ATAD2: variants seen among roughly 807,000 people sequenced by gnomAD.
ATAD2 encodes ATPase family AAA domain containing 2, also known as ATPase family AAA domain-containing protein 2.
Under a neutral mutation model 168.9 loss-of-function variants are expected in ATAD2, and 62 were observed. That is an observed-to-expected ratio of 0.37 (90% CI 0.30 to 0.45). The LOEUF (loss-of-function observed/expected upper bound fraction) is 0.45, where lower values mean the gene tolerates loss of function less well. Among genes scored for constraint, ATAD2 ranks in the 20% least tolerant of loss-of-function variants. The pLI is 1.00. For missense variants in ATAD2, 1,419 were observed against 1,667.8 expected, an observed-to-expected ratio of 0.85 and a Z score of 2.60; for synonymous variants, 613 against 571.6, an observed-to-expected ratio of 1.07 and a Z score of -1.03.
chr8:123,362,962 C>T (rs1050093111), intron 8 of ATAD2, among the ~76,000 whole-genome samples: 22 of 152,128 alleles, frequency 1.4e-4, no homozygotes, highest in South Asian at 6.2e-4. Context: ...CTGGTTGGTA[C>T]TATTAAATAA....
intron 1 of ATAD2, among the ~76,000 whole-genome samples, chr8:123,384,574 A>G (rs1054121891): frequency 2.0e-5 from 3 of 152,178 alleles, no homozygotes; most frequent in South Asian, 2.1e-4. Context: ...TGCCTCCCCA[A>G]CCCAGAGGCA....
chr8:123,390,395 T>A (rs1367491865), intron 1 of ATAD2, among the ~76,000 whole-genome samples: 3 of 152,156 alleles, frequency 2.0e-5, no homozygotes, highest in African/African-American at 7.2e-5. Context: ...GTCTCCCACA[T>A]AAAGCTGTAA....
intron 1 of ATAD2, among the ~76,000 whole-genome samples, chr8:123,389,507 G>A (rs1335579967): frequency 6.6e-6 from 1 of 151,526 alleles, no homozygotes; most frequent in Non-Finnish European, 1.5e-5. Context: ...GGGCGTGGTG[G>A]CGGGCGCCTG....
At chr8:123,335,789 T>C (rs1390986315) in intron 22 of ATAD2, among the ~76,000 whole-genome samples, 1 of 152,134 alleles carries the variant, frequency 6.6e-6, no homozygotes, top group Non-Finnish European at 1.5e-5. Context: ...CCAAATAACA[T>C]ACATTGTACC....
Position 123,323,035 on chromosome 8 carries a change from T to C in ATAD2, c.4034A>G (p.Gln1345Arg). 2 of 1,612,376 alleles carry C rather than the reference T, an allele frequency of 1.2e-6. No homozygotes were observed. The highest frequency in any genetic ancestry group is 1.7e-4 in the Middle Eastern group (1 of 6,020). Residue 1345 changes from glutamine (Q) to arginine (R), a missense_variant, in exon 27 of 28, where the codon CAA (glutamine) becomes CGA (arginine). By Grantham distance (43) the Gln-to-Arg change is conservative. This residue lies in a region of ATAD2 where 303 missense variants were observed against 304.3 expected (regional missense o/e 1.00). Transcript: ENST00000287394. Reference protein sequence around the residue: ...NLLKTVVKKSQNYNIFQLENL... With the variant: ...NLLKTVVKKSRNYNIFQLENL... ...TTCCAACTGAAATATGTTGTAGTTT[T>C]GACTTTTTTTAACAACAGTCTTCAA...
Position 123,369,832 on chromosome 8 carries a change from G to A in ATAD2, c.920C>T (p.Ala307Val). The change falls in exon 7 of 28, where the codon GCT (alanine) becomes GTT (valine). Residue 307 changes from alanine to valine, a missense_variant. Ala to Val is a moderately conservative substitution (Grantham distance 64). Around this residue, in one of 5 missense-constraint regions of ATAD2, gnomAD observed 419 missense variants for 423.5 expected, o/e 0.99. Coordinates refer to ENST00000287394, the MANE Select transcript of ATAD2 (RefSeq NM_014109.4). The stretch of plus-strand genomic sequence containing the variant: ...TGTATAGCACTTACTTTCCAATGGA[G>A]CCTGATAGTAAACAGTAGCTTTTCT... ...RQRKATVYYQAPLEKPRHQRK... is the reference protein window; with the variant it reads ...RQRKATVYYQVPLEKPRHQRK... 6.2e-7 allele frequency: 1 copy of A among 1,610,164 alleles called. No homozygotes were observed. The highest frequency in any genetic ancestry group is 1.1e-5 in the South Asian group (1 of 90,978).
chr8:123,338,651 A>G (rs766176346), intron 20 of ATAD2, among the ~76,000 whole-genome samples: 10 of 152,252 alleles, frequency 6.6e-5, no homozygotes, highest in Admixed American at 2.0e-4. Context: ...TTTTAAAAGT[A>G]TGATGGGTCA....
At position 123,321,282 on chromosome 8, in the gene ATAD2, G is replaced by T. The variant is rs1586850369; in HGVS notation, c.4132-107C>A. 16 of 948,416 alleles carry T rather than the reference G, an allele frequency of 1.7e-5. No individual in the cohort carries two copies. The East Asian group carries it at 3.9e-4, about 23-fold the overall frequency. 58.8% of individuals were successfully genotyped at this position (948,416 alleles called of 1,614,324 possible). A position where few individuals can be genotyped will look rare whatever the true frequency, so the allele number is the denominator to read the frequency against. Reference sequence around the variant, plus strand: ...CAACCTTAAGAATATTAATATTCAGGTATATATTTGATAGTGAAAATAAAC... The same window carrying T: ...CAACCTTAAGAATATTAATATTCAGTTATATATTTGATAGTGAAAATAAAC... On this transcript the variant is annotated intron_variant, in intron 27 of 27. Coordinates refer to ENST00000287394, the MANE Select transcript of ATAD2 (RefSeq NM_014109.4).
chr8:123,389,988 T>TC (rs58584820), intron 1 of ATAD2, among the ~76,000 whole-genome samples: 5 of 62,206 alleles, frequency 8.0e-5, no homozygotes, highest in Non-Finnish European at 1.7e-4. Context: ...ATATATATTT[T>TC]TTTTTTTTTA....
chr8:123,373,584 C>A lies in ATAD2; in HGVS notation c.321-898G>T, dbSNP rs138692928. 9.7e-3 allele frequency among the ~76,000 whole-genome samples: 1,473 copies of A among 151,840 alleles called. 12 individuals are homozygous for A. The highest frequency in any genetic ancestry group is 0.017 in the Non-Finnish European group (1,161 of 67,880). On this transcript the variant is annotated intron_variant, in intron 2 of 27. Coordinates refer to ENST00000287394, the MANE Select transcript of ATAD2 (RefSeq NM_014109.4). ...CGGGTGGATCATGAGGTCAGGAAAT[C>A]GAGACCATCCTGGCTAACAGGGTGA...
intron 24 of ATAD2, among the ~76,000 whole-genome samples, 154 bp from the exon 25 acceptor site, chr8:123,328,733 A>C (rs1482391242): frequency 2.0e-5 from 3 of 152,112 alleles, no homozygotes; most frequent in African/African-American, 4.8e-5. Context: ...GCATACTGTG[A>C]GAAGGTGGAG....
At position 123,320,881 on chromosome 8, in the gene ATAD2, G is replaced by C; in HGVS notation, c.*253C>G. ...TACCAAAATAACTTTATTAAGAGTT[G>C]GCCAAACTTCAACTATTATTACTAT... is the stretch of plus-strand genomic sequence containing the variant. On this transcript the variant is annotated 3_prime_UTR_variant, in exon 28 of 28. Transcript: ENST00000287394. 2.6e-6 allele frequency: 1 copy of C among 379,536 alleles called. No homozygotes were observed. Among genetic ancestry groups the C allele is most frequent in the South Asian group, 6.1e-5 (1 of 16,332 alleles). 23.5% of individuals were successfully genotyped at this position (379,536 alleles called of 1,614,324 possible).
rs143547077 is a variant in ATAD2 at position 123,377,519 on chromosome 8, A to G, written c.320+3010T>C. On this transcript the variant is annotated intron_variant, in intron 2 of 27. Transcript: ENST00000287394. ...TGTATGACTATGTAAACCAAACTAA[A>G]TAGAAGTTCATCTATAAGTTTTATA... Among the ~76,000 whole-genome samples the G allele has an allele frequency of 1.5e-4, 23 of 152,314 alleles. No individual in the cohort carries two copies. In the East Asian group the frequency reaches 4.4e-3, roughly 29 times the overall value.
At chr8:123,409,548 C>T (rs777689115) in intron 1 of ATAD2, among the ~76,000 whole-genome samples, 1 of 152,016 alleles carries the variant, frequency 6.6e-6, no homozygotes, top group South Asian at 2.1e-4. Flanking sequence ...GCTGGAGTGC[C>T]GTGGCTGAAT....
At chr8:123,407,689 CT>C (rs1240852114) in intron 1 of ATAD2, among the ~76,000 whole-genome samples, 1 of 151,476 alleles carries the variant, frequency 6.6e-6, no homozygotes, top group Non-Finnish European at 1.5e-5. Flanking sequence ...TCCATCTCTA[CT>C]AAAAATACAA....
rs192265686 is a variant in ATAD2, at chr8:123,344,867, C to T, written c.2718+17G>A. On this transcript the variant is annotated intron_variant, in intron 19 of 27. Coordinates refer to ENST00000287394, the MANE Select transcript of ATAD2 (RefSeq NM_014109.4). ...ACTCTTTTTGAAAGTATAATGATACCGCCCCACATAAATTACCTCTTCTGG... is the reference window on the plus strand; with the variant it reads ...ACTCTTTTTGAAAGTATAATGATACTGCCCCACATAAATTACCTCTTCTGG... 5.2e-5 allele frequency: 83 copies of T among 1,611,122 alleles called. 1 individual carries two copies. The highest frequency in any genetic ancestry group is 4.2e-4 in the East Asian group (19 of 44,814).
Position 123,359,621 on chromosome 8 carries a change from C to T in ATAD2, c.1222G>A (p.Gly408Arg). The T allele has an allele frequency of 6.2e-7, 1 of 1,613,376 alleles. No individual in the cohort carries two copies. Among genetic ancestry groups the T allele is most frequent in the Non-Finnish European group, 8.5e-7 (1 of 1,179,804 alleles). ...KGIYKDRMKI[G>R]ASLADVDPMQ... ...GGATCAACATCGGCAAGGCTTGCTC[C>T]AATTTTCATTCGATCTTTATAAATG... Residue 408 changes from glycine to arginine, a missense_variant, in exon 10 of 28, where the codon GGA (glycine) becomes AGA (arginine). This residue lies in a region of ATAD2 where 146 missense variants were observed against 188.3 expected (regional missense o/e 0.78). Transcript: ENST00000287394.
At chr8:123,325,496 C>G (rs1241113526) in intron 26 of ATAD2, among the ~76,000 whole-genome samples, 1 of 152,082 alleles carries the variant, frequency 6.6e-6, no homozygotes, top group Non-Finnish European at 1.5e-5. Flanking sequence ...CCGTGTTAGC[C>G]AGGATGGTCT....
upstream of ATAD2, chr8:123,400,861 AC>A: frequency 2.2e-6 from 3 of 1,391,522 alleles, no homozygotes; most frequent in South Asian, 1.2e-5. This position sits in a 1 kb window ranked among gnomAD's most constrained non-coding sequence, Gnocchi z 4.5. Flanking sequence ...CCACAACTGC[AC>A]CCCAGAGTTC....
Sources: gnomAD v4.1 joint callset for allele counts (sites outside exome capture counted in the v4.1 genomes callset) on GRCh38, gnomAD v4.1.1 for gene constraint, gnomAD v4.1.1 regional missense constraint, Gnocchi (gnomAD v3.1) non-coding constraint, MANE v1.5 for transcripts, NCBI Gene and HGNC (gene_info 2026-07-23, HGNC 2026-07-21) for gene names.